Variants in CSMD1 observed in about 807,000 individuals in gnomAD.
The protein encoded by CSMD1 is CUB and sushi domain-containing protein 1.
A neutral mutation model predicts 417.5 loss-of-function variants in CSMD1; 213 were observed. That is an observed-to-expected ratio of 0.51 (90% confidence interval 0.46 to 0.57). The LOEUF (loss-of-function observed/expected upper bound fraction) is 0.57, where lower values mean the gene tolerates loss of function less well. Ranked by LOEUF, CSMD1 falls within the 20% of genes least tolerant of loss-of-function variation. CSMD1 has a pLI of 0.00. For synonymous variants in CSMD1, 2,862 were observed against 1,736.8 expected, an observed-to-expected ratio of 1.65 and a Z score of -16.11; for missense variants, 6,923 against 4,529.7, an observed-to-expected ratio of 1.53 and a Z score of -15.17.
At chr8:4,519,837 G>A (rs535045146) in intron 2 of CSMD1, among the ~76,000 whole-genome samples, 2 of 145,220 alleles carry the variant, frequency 1.4e-5, no homozygotes, top group Non-Finnish European at 3.0e-5. Context: ...GGCTGAGCTA[G>A]ATCTTATAGG....
chr8:3,931,848 C>T (rs1488608796), intron 5 of CSMD1, among the ~76,000 whole-genome samples: 1 of 144,366 alleles, frequency 6.9e-6, no homozygotes, highest in East Asian at 2.0e-4. Flanking sequence ...ATCTTTAAGG[C>T]AGAGTTGCAA....
At chr8:4,393,916 T>A (rs1804030233) in intron 3 of CSMD1, among the ~76,000 whole-genome samples, 1 of 152,206 alleles carries the variant, frequency 6.6e-6, no homozygotes, top group African/African-American at 2.4e-5. Context: ...CTTAAATCCG[T>A]TAGCTAGATT....
intron 1 of CSMD1, among the ~76,000 whole-genome samples, chr8:4,840,263 A>G (rs1800764932): frequency 2.7e-5 from 2 of 74,368 alleles, no homozygotes; most frequent in Admixed American, 1.5e-4. Flanking sequence ...CTTTCAGGTA[A>G]AGTATTCCTG....
chr8:3,148,886 T>C (rs1819014394), intron 40 of CSMD1, among the ~76,000 whole-genome samples: 2 of 152,210 alleles, frequency 1.3e-5, no homozygotes, highest in Admixed American at 6.5e-5. Flanking sequence ...GTTACTCAAA[T>C]GTAATCTATA....
At chr8:3,097,807 G>C (rs150165874) in intron 46 of CSMD1, among the ~76,000 whole-genome samples, 32 of 152,290 alleles carry the variant, frequency 2.1e-4, no homozygotes, top group Middle Eastern at 3.4e-3. Flanking sequence ...TTAAACGTTC[G>C]ATGTGATTGC....
intron 3 of CSMD1, among the ~76,000 whole-genome samples, chr8:4,176,572 G>T (rs1231148287): frequency 6.6e-6 from 1 of 151,788 alleles, no homozygotes; most frequent in East Asian, 2.0e-4. Context: ...GGCAGTAGAA[G>T]TACCCTCTAG....
chr8:3,391,150 T>C (rs1042964131), intron 17 of CSMD1, among the ~76,000 whole-genome samples: 8 of 143,756 alleles, frequency 5.6e-5, no homozygotes, highest in African/African-American at 1.9e-4. Context: ...TTTCTGATCA[T>C]ATAAAAAGTC....
chr8:3,792,469 T>G (rs1050913437), intron 5 of CSMD1, among the ~76,000 whole-genome samples: 3 of 152,146 alleles, frequency 2.0e-5, no homozygotes, highest in African/African-American at 4.8e-5. Flanking sequence ...AGAGCTTACT[T>G]TTTGCCTTAA....
chr8:3,062,512 C>T lies in CSMD1; in HGVS notation c.7475-9865G>A, dbSNP rs185618867. ...GAGGGAACTAATGACTTGGCTTTTG[C>T]AGACACTAAAGCAAACTTAAAAACA... On this transcript the variant is annotated intron_variant, in intron 49 of 69. Coordinates refer to ENST00000635120, the MANE Select transcript of CSMD1 (RefSeq NM_033225.6). Among the ~76,000 whole-genome samples, 437 of 150,338 alleles carry T rather than the reference C, an allele frequency of 2.9e-3. 5 individuals are homozygous for T. Among genetic ancestry groups the T allele is most frequent in the African/African-American group, 8.1e-3 (330 of 40,758 alleles).
intron 1 of CSMD1, among the ~76,000 whole-genome samples, chr8:4,819,880 T>C (rs911272845): frequency 2.6e-5 from 4 of 152,276 alleles, no homozygotes; most frequent in Non-Finnish European, 5.9e-5. Flanking sequence ...GGAAGAACTA[T>C]CTGCCCTGTG....
chr8:4,300,962 C>T (rs891993618), intron 3 of CSMD1, among the ~76,000 whole-genome samples: 1 of 152,108 alleles, frequency 6.6e-6, no homozygotes, highest in Non-Finnish European at 1.5e-5. Flanking sequence ...GGTTCCAAGT[C>T]TTTACTATTG....
In CSMD1 at chr8:4,145,946, G is replaced by A. The variant is rs537213018; in HGVS notation, c.416-113847C>T. ...CCCCATTGTTTGTAAGACTGACCACGCTGTTTCTTGTTACCGCTGTCATTT... is the reference window on the plus strand; with the variant it reads ...CCCCATTGTTTGTAAGACTGACCACACTGTTTCTTGTTACCGCTGTCATTT... On this transcript the variant is annotated intron_variant, in intron 3 of 69. Coordinates refer to ENST00000635120, the MANE Select transcript of CSMD1 (RefSeq NM_033225.6). 4.0e-5 allele frequency among the ~76,000 whole-genome samples: 6 copies of A among 150,898 alleles called. No individual in the cohort carries two copies. In the East Asian group the frequency reaches 5.8e-4, roughly 15 times the overall value.
intron 1 of CSMD1, among the ~76,000 whole-genome samples, chr8:4,674,522 GC>G (rs1805551145): frequency 2.0e-5 from 3 of 152,240 alleles, no homozygotes; most frequent in Non-Finnish European, 4.4e-5. Flanking sequence ...AGTAAAATCA[GC>G]AGGAGAGGAG....
chr8:4,081,508 G>C (rs887748363), intron 3 of CSMD1, among the ~76,000 whole-genome samples: 1 of 152,156 alleles, frequency 6.6e-6, no homozygotes, highest in African/African-American at 2.4e-5. Flanking sequence ...ACATGACAAG[G>C]AACTGGGGTC....
At chr8:3,962,755 A>T (rs925708275) in intron 5 of CSMD1, among the ~76,000 whole-genome samples, 1 of 152,142 alleles carries the variant, frequency 6.6e-6, no homozygotes, top group Non-Finnish European at 1.5e-5. Flanking sequence ...ACACTCTCAG[A>T]GGCTGGCATC....
chr8:3,052,619 T>G lies in CSMD1; in HGVS notation c.7503A>C (p.Pro2501=). Residue 2501 remains proline, a synonymous_variant, in exon 50 of 70, where the codon CCA becomes CCC. Transcript: ENST00000635120. ...QAVSCGIPES[P]GNGSFTGNEF... Reference sequence around the variant, plus strand: ...CGTTCCCGGTAAATGAACCGTTTCCTGGGGATTCTGGGATTCCACAGGACA... The same window carrying G: ...CGTTCCCGGTAAATGAACCGTTTCCGGGGGATTCTGGGATTCCACAGGACA... 2 of 1,610,930 alleles carry G rather than the reference T, an allele frequency of 1.2e-6. No homozygotes were observed. The highest frequency in any genetic ancestry group is 2.7e-5 in the African/African-American group (2 of 74,980).
intron 5 of CSMD1, among the ~76,000 whole-genome samples, chr8:3,892,588 C>G (rs1015419579): frequency 2.0e-5 from 3 of 151,896 alleles, no homozygotes; most frequent in African/African-American, 7.3e-5. Context: ...CCAGTTAAAT[C>G]TGTTCTCTCC....
intron 1 of CSMD1, among the ~76,000 whole-genome samples, chr8:4,740,076 A>G (rs888580059): frequency 2.6e-5 from 4 of 152,038 alleles, no homozygotes; most frequent in African/African-American, 9.7e-5. Context: ...AACTCCAAGC[A>G]GAATCTGATG....
rs1484954195 is a variant in CSMD1, at chr8:3,867,457, A to G, written c.819-113415T>C. ...TTGAGTCTTCCTGGCTATGGTTTAA[A>G]TAACTAAACAAAATATATCTGACCT... On this transcript the variant is annotated intron_variant, in intron 5 of 69. Coordinates refer to ENST00000635120, the MANE Select transcript of CSMD1 (RefSeq NM_033225.6). Among the ~76,000 whole-genome samples, 17 of 152,166 alleles carry G rather than the reference A, an allele frequency of 1.1e-4. 1 individual carries two copies. The highest frequency in any genetic ancestry group is 1.1e-3 in the Admixed American group (17 of 15,280).
Sources: allele counts gnomAD v4.1 joint callset (sites outside exome capture counted in the v4.1 genomes callset), GRCh38; gene constraint gnomAD v4.1.1; transcripts MANE v1.5; gene names NCBI Gene and HGNC (gene_info 2026-07-23, HGNC 2026-07-21).